Variants in LDLRAD3 observed in about 807,000 individuals in gnomAD.
LDLRAD3 encodes low-density lipoprotein receptor class A domain-containing protein 3.
LDLRAD3 carries 20 observed loss-of-function variants against 29.4 expected under a neutral mutation model. That is an observed-to-expected ratio of 0.68 (90% confidence interval 0.48 to 0.99). The LOEUF (loss-of-function observed/expected upper bound fraction) is 0.99, where lower values mean the gene tolerates loss of function less well. Among genes scored for constraint, LDLRAD3 ranks in the 50% least tolerant of loss-of-function variants. The probability of loss-of-function intolerance (pLI) is 0.00; values close to 1 mark genes in which losing one functional copy is unlikely to be tolerated. For synonymous variants in LDLRAD3, 157 were observed against 192.7 expected (o/e 0.81, Z 1.53); for missense variants, 420 against 454.3 (o/e 0.92, Z 0.69).
chr11:36,009,434 TG>T (rs1851927021), intron 1 of LDLRAD3, among the ~76,000 whole-genome samples: 1 of 152,184 alleles, frequency 6.6e-6, no homozygotes, highest in African/African-American at 2.4e-5. Context: ...AGAATAGCAT[TG>T]GAGAAGACAG....
chr11:36,206,384 A>G (rs1855208330), intron 4 of LDLRAD3, among the ~76,000 whole-genome samples: 1 of 152,228 alleles, frequency 6.6e-6, no homozygotes, highest in African/African-American at 2.4e-5. Flanking sequence ...CCAGCCCTTG[A>G]CAAGTTTAAT....
rs777284301 is a variant in LDLRAD3, at chr11:36,081,752, C to T, written c.293C>T (p.Pro98Leu). 2 of 1,614,226 alleles carry T rather than the reference C, an allele frequency of 1.2e-6. No individual in the cohort carries two copies. The highest frequency in any genetic ancestry group is 1.7e-6 in the Non-Finnish European group (2 of 1,180,032). ...CGGTGCAATGGGTTTGAGGACTGTC[C>T]CGATGGCAGCGATGAAGAGAACTGC... ...RFRCNGFEDCPDGSDEENCTA... is the reference protein window; with the variant it reads ...RFRCNGFEDCLDGSDEENCTA... Residue 98 changes from proline to leucine, a missense_variant, in exon 3 of 6, where the codon CCC becomes CTC. By Grantham distance (98) the Pro-to-Leu change is moderately conservative. Transcript: ENST00000315571.
chr11:36,136,157 A>G (rs1164626544), intron 4 of LDLRAD3, among the ~76,000 whole-genome samples: 1 of 152,180 alleles, frequency 6.6e-6, no homozygotes, highest in Non-Finnish European at 1.5e-5. Context: ...ATTGGCCTTC[A>G]TGAATGTGTG....
chr11:36,056,194 C>T (rs974845348), intron 2 of LDLRAD3, among the ~76,000 whole-genome samples: 2 of 151,996 alleles, frequency 1.3e-5, no homozygotes, highest in African/African-American at 4.8e-5. Context: ...AGGGTTTCAC[C>T]ATGTTGGTCA....
chr11:36,210,816 T>A (rs575798634), intron 4 of LDLRAD3, among the ~76,000 whole-genome samples: 5 of 152,340 alleles, frequency 3.3e-5, no homozygotes, highest in African/African-American at 4.8e-5. Context: ...AGACCAAGTT[T>A]GCCATTTCCT....
chr11:36,103,677 C>T (rs757964436), intron 4 of LDLRAD3, among the ~76,000 whole-genome samples: 18 of 152,226 alleles, frequency 1.2e-4, no homozygotes, highest in Non-Finnish European at 2.1e-4. Flanking sequence ...CCCTTTTCCA[C>T]GCCCATCCCA....
At chr11:35,965,501 G>A (rs555655945) in intron 1 of LDLRAD3, among the ~76,000 whole-genome samples, 2 of 152,140 alleles carry the variant, frequency 1.3e-5, no homozygotes, top group African/African-American at 4.8e-5. Flanking sequence ...GGAGGGTGTA[G>A]GTAATTTGTT....
At chr11:36,078,218 C>T (rs917373177) in intron 2 of LDLRAD3, among the ~76,000 whole-genome samples, 4 of 152,178 alleles carry the variant, frequency 2.6e-5, no homozygotes, top group African/African-American at 9.7e-5. Context: ...GGACCCACAG[C>T]CTGGCCCTCA....
At chr11:36,038,819 A>T (rs1381651378) in intron 2 of LDLRAD3, among the ~76,000 whole-genome samples, 1 of 152,148 alleles carries the variant, frequency 6.6e-6, no homozygotes, top group Admixed American at 6.5e-5. Flanking sequence ...TTAAAAAACC[A>T]TGCGCCCCAA....
At chr11:36,032,977 C>T (rs1051004663) in intron 1 of LDLRAD3, among the ~76,000 whole-genome samples, 18 of 151,700 alleles carry the variant, frequency 1.2e-4, no homozygotes, top group African/African-American at 3.6e-4. Context: ...CGGGTTCAAG[C>T]GATTCTCCTG....
At chr11:36,229,085 G>A (rs1855537825) in intron 5 of LDLRAD3, 75 bp from the exon 6 acceptor site, 1 of 1,003,364 alleles carries the variant, frequency 1.0e-6, no homozygotes, top group South Asian at 1.4e-5. Flanking sequence ...GCTGAAGTTG[G>A]CTTATCTTGG....
intron 1 of LDLRAD3, among the ~76,000 whole-genome samples, chr11:35,998,874 G>A (rs1001543875): frequency 1.3e-5 from 2 of 152,184 alleles, no homozygotes; most frequent in Non-Finnish European, 2.9e-5. Context: ...CTTTGGCCTG[G>A]TCACCTCCAC....
intron 1 of LDLRAD3, among the ~76,000 whole-genome samples, chr11:36,022,698 G>A (rs867877524): frequency 6.6e-6 from 1 of 152,148 alleles, no homozygotes; most frequent in Non-Finnish European, 1.5e-5. Flanking sequence ...AATGAGAAGG[G>A]CTCTATAATC....
At chr11:36,084,100 T>TC (rs940457892) in intron 3 of LDLRAD3, among the ~76,000 whole-genome samples, 1 of 151,970 alleles carries the variant, frequency 6.6e-6, no homozygotes, top group African/African-American at 2.4e-5. Flanking sequence ...AAAGCAATTT[T>TC]TTTTTGTAGA....
At chr11:36,146,734 C>G (rs1854199856) in intron 4 of LDLRAD3, among the ~76,000 whole-genome samples, 1 of 135,530 alleles carries the variant, frequency 7.4e-6, no homozygotes, top group Non-Finnish European at 1.6e-5. Flanking sequence ...TCCCCGGAGT[C>G]CCAAGATTTC....
intron 4 of LDLRAD3, among the ~76,000 whole-genome samples, chr11:36,226,290 G>A (rs991809795): frequency 2.0e-5 from 3 of 152,126 alleles, no homozygotes; most frequent in Non-Finnish European, 4.4e-5. Flanking sequence ...GTTTTGAGGG[G>A]CTGGGATTTG....
intron 4 of LDLRAD3, among the ~76,000 whole-genome samples, chr11:36,120,059 A>G (rs917924780): frequency 2.6e-5 from 4 of 152,198 alleles, no homozygotes; most frequent in African/African-American, 9.6e-5. Context: ...CAGTTGTCCC[A>G]GCATCTTTTA....
intron 4 of LDLRAD3, among the ~76,000 whole-genome samples, chr11:36,167,997 C>T (rs1391915547): frequency 2.0e-5 from 3 of 152,122 alleles, no homozygotes; most frequent in Non-Finnish European, 4.4e-5. Flanking sequence ...TCAGGAATCC[C>T]CTCCTCTTTC....
At chr11:36,152,753 A>G (rs1045313299) in intron 4 of LDLRAD3, among the ~76,000 whole-genome samples, 3 of 152,198 alleles carry the variant, frequency 2.0e-5, no homozygotes, top group African/African-American at 7.2e-5. Flanking sequence ...GACAGCTTGC[A>G]CCTGGTTTCC....
Sources: gnomAD v4.1 joint callset for allele counts (sites outside exome capture counted in the v4.1 genomes callset) on GRCh38, gnomAD v4.1.1 for gene constraint, MANE v1.5 for transcripts, NCBI Gene and HGNC (gene_info 2026-07-23, HGNC 2026-07-21) for gene names.